The following TRAPPC9 variants were observed in gnomAD, a reference collection of about 807,000 sequenced individuals.
The protein encoded by TRAPPC9 is IKK2 binding protein.
TRAPPC9 carries 83 observed loss-of-function variants against 124.0 expected under a neutral mutation model. The observed-to-expected ratio is 0.67, with a 90% CI of 0.56 to 0.80. The LOEUF (loss-of-function observed/expected upper bound fraction) is 0.80. Among genes scored for constraint, TRAPPC9 ranks in the 30% least tolerant of loss-of-function variants. The pLI is 0.00. For missense variants in TRAPPC9, 1,302 were observed against 1,508.3 expected (o/e 0.86, Z 2.27); for synonymous variants, 638 against 617.5 (o/e 1.03, Z -0.49).
intron 18 of TRAPPC9, among the ~76,000 whole-genome samples, chr8:139,993,332 G>GT (rs1469412335): frequency 6.6e-6 from 1 of 152,172 alleles, no homozygotes; most frequent in African/African-American, 2.4e-5. Flanking sequence ...CCAACTAGTA[G>GT]TTAGAGAAAT....
At chr8:140,243,951 G>A (rs751997376) in intron 16 of TRAPPC9, among the ~76,000 whole-genome samples, 25 of 152,336 alleles carry the variant, frequency 1.6e-4, no homozygotes, top group African/African-American at 4.3e-4. Context: ...TCTGCCTCCC[G>A]TCAGCTCAGC....
At chr8:139,977,674 TTC>T (rs1836578026) in intron 19 of TRAPPC9, among the ~76,000 whole-genome samples, 1 of 149,098 alleles carries the variant, frequency 6.7e-6, no homozygotes, top group African/African-American at 2.5e-5. Flanking sequence ...CATTCATTCA[TTC>T]ATTCATTCAT....
intron 21 of TRAPPC9, among the ~76,000 whole-genome samples, chr8:139,762,676 G>A (rs1011243018): frequency 1.3e-5 from 2 of 152,232 alleles, no homozygotes; most frequent in Non-Finnish European, 2.9e-5. Context: ...GGCATGTGGT[G>A]CACGACTGTA....
chr8:140,446,035 A>T (rs1230131836), intron 2 of TRAPPC9, among the ~76,000 whole-genome samples: 2 of 152,150 alleles, frequency 1.3e-5, no homozygotes, highest in Non-Finnish European at 2.9e-5. Flanking sequence ...GCTCATGCCT[A>T]TAATCCCAGC....
chr8:139,831,075 A>C (rs1054719733), intron 21 of TRAPPC9, among the ~76,000 whole-genome samples: 1 of 152,212 alleles, frequency 6.6e-6, no homozygotes, highest in Non-Finnish European at 1.5e-5. Context: ...GCCATCTGCT[A>C]AGAGACAGGA....
intron 7 of TRAPPC9, among the ~76,000 whole-genome samples, chr8:140,387,837 C>A (rs1002387830): frequency 9.2e-5 from 14 of 152,080 alleles, no homozygotes; most frequent in Non-Finnish European, 1.8e-4. Context: ...GGATCTAGAA[C>A]TAGAAATACC....
intron 9 of TRAPPC9, among the ~76,000 whole-genome samples, chr8:140,313,263 T>C (rs968973893): frequency 4.6e-5 from 7 of 152,174 alleles, no homozygotes; most frequent in Admixed American, 6.5e-5. Context: ...GCACTTATGG[T>C]TGAGGTATCC....
At chr8:139,769,130 A>G (rs1820780130) in intron 21 of TRAPPC9, among the ~76,000 whole-genome samples, 1 of 152,250 alleles carries the variant, frequency 6.6e-6, no homozygotes, top group African/African-American at 2.4e-5. Context: ...AAACTACTAC[A>G]GTAACCCTGT....
At chr8:140,373,764 C>T (rs2068352230) in intron 7 of TRAPPC9, among the ~76,000 whole-genome samples, 1 of 151,694 alleles carries the variant, frequency 6.6e-6, no homozygotes, top group Admixed American at 6.6e-5. Flanking sequence ...TTCCATTTCC[C>T]TGAAAACTAA....
intron 17 of TRAPPC9, among the ~76,000 whole-genome samples, chr8:140,141,255 T>C (rs536552059): frequency 6.6e-6 from 1 of 152,232 alleles, no homozygotes; most frequent in Admixed American, 6.5e-5. Context: ...AATAAACAAT[T>C]TGTAAGTTTT....
chr8:140,116,339 G>A (rs182684754), intron 17 of TRAPPC9, among the ~76,000 whole-genome samples: 1 of 152,252 alleles, frequency 6.6e-6, no homozygotes, highest in East Asian at 1.9e-4. Flanking sequence ...ACTTTCGGAG[G>A]CAGGAAATTC....
chr8:139,944,649 T>G (rs1045767280), intron 19 of TRAPPC9, among the ~76,000 whole-genome samples: 1 of 152,158 alleles, frequency 6.6e-6, no homozygotes, highest in Non-Finnish European at 1.5e-5. Context: ...AATACATACA[T>G]ATATGTTATA....
At chr8:139,796,565 G>A (rs1823111150) in intron 21 of TRAPPC9, among the ~76,000 whole-genome samples, 1 of 152,230 alleles carries the variant, frequency 6.6e-6, no homozygotes, top group Non-Finnish European at 1.5e-5. Flanking sequence ...GTTCATCCAT[G>A]TTATAGCATG....
chr8:140,451,957 C>A (rs1414088660), intron 1 of TRAPPC9, among the ~76,000 whole-genome samples: 1 of 152,016 alleles, frequency 6.6e-6, no homozygotes, highest in Non-Finnish European at 1.5e-5. Context: ...CCCACCTATA[C>A]TAAAAATACA....
intron 4 of TRAPPC9, among the ~76,000 whole-genome samples, chr8:140,432,820 C>T (rs1426902406): frequency 6.6e-6 from 1 of 151,336 alleles, no homozygotes; most frequent in East Asian, 1.9e-4. Context: ...TGCAGTGAGC[C>T]GAGATCGCGC....
intron 20 of TRAPPC9, among the ~76,000 whole-genome samples, chr8:139,900,259 C>T (rs1195033305): frequency 1.3e-5 from 2 of 152,240 alleles, no homozygotes; most frequent in African/African-American, 2.4e-5. Context: ...CTTTGCTCTG[C>T]TTCCCCTGTG....
At chr8:140,297,409 A>G (rs765928720) in intron 11 of TRAPPC9, among the ~76,000 whole-genome samples, 2 of 152,104 alleles carry the variant, frequency 1.3e-5, no homozygotes, top group African/African-American at 4.8e-5. Flanking sequence ...ACAGATGCAT[A>G]CACATATACA....
intron 17 of TRAPPC9, among the ~76,000 whole-genome samples, chr8:140,046,182 CG>C (rs60162271): frequency 0.11 from 16,910 of 152,274 alleles, 1,001 homozygotes; most frequent in Middle Eastern, 0.15. Flanking sequence ...TGCCGCTCTC[CG>C]GTGGTGCTTG....
At chr8:140,312,722 A>G (rs2066330959) in intron 9 of TRAPPC9, among the ~76,000 whole-genome samples, 1 of 151,442 alleles carries the variant, frequency 6.6e-6, no homozygotes, top group African/African-American at 2.4e-5. Context: ...CTACCATAGG[A>G]ATTTTCTGTG....
Sources: gnomAD v4.1 joint callset for allele counts (sites outside exome capture counted in the v4.1 genomes callset) on GRCh38, gnomAD v4.1.1 for gene constraint, MANE v1.5 for transcripts, NCBI Gene and HGNC (gene_info 2026-07-23, HGNC 2026-07-21) for gene names.